The following GLB1L3 variants were observed in gnomAD, a reference collection of about 807,000 sequenced individuals.
GLB1L3 encodes the protein beta-galactosidase-1-like protein 3.
Under a neutral mutation model 89.5 loss-of-function variants are expected in GLB1L3, and 89 were observed. That is an observed-to-expected ratio of 0.99 (90% CI 0.84 to 1.19). The LOEUF (loss-of-function observed/expected upper bound fraction) is 1.19, where lower values mean the gene tolerates loss of function less well. GLB1L3 is among the 50% of genes most tolerant of loss of function. The probability of loss-of-function intolerance (pLI) is 0.00; values close to 1 mark genes in which losing one functional copy is unlikely to be tolerated. For missense variants in GLB1L3, 812 were observed against 813.3 expected, an observed-to-expected ratio of 1.00 and a Z score of 0.02; for synonymous variants, 314 against 312.3, an observed-to-expected ratio of 1.01 and a Z score of -0.06.
chr11:134,281,264 A>G (rs1424745982), intron 3 of GLB1L3, 113 bp from the exon 4 acceptor site: 2 of 1,225,288 alleles, frequency 1.6e-6, no homozygotes, highest in East Asian at 2.3e-5. Context: ...GGTAACTTCA[A>G]CTTATTTCAA....
chr11:134,278,001 C>A (rs1268716641), intron 3 of GLB1L3, 89 bp downstream of exon 3: 3 of 1,263,334 alleles, frequency 2.4e-6, no homozygotes, highest in Admixed American at 4.1e-5. Context: ...GGGGGCCCAG[C>A]GTGAGGACTT....
chr11:134,303,891 T>C (rs2136186444), intron 9 of GLB1L3, among the ~76,000 whole-genome samples: 1 of 152,292 alleles, frequency 6.6e-6, no homozygotes, highest in East Asian at 1.9e-4. Context: ...CTCTGAATTC[T>C]AATGTGGCAG....
intron 9 of GLB1L3, 21 bp downstream of exon 9, chr11:134,293,230 A>C: frequency 6.3e-7 from 1 of 1,588,382 alleles, no homozygotes; most frequent in Non-Finnish European, 8.6e-7. Flanking sequence ...TCAGACAGGC[A>C]GGGTTTTACA....
Position 134,313,483 on chromosome 11 carries a change from T to G in GLB1L3, c.1579+9T>G. 6.6e-7 allele frequency: 1 copy of G among 1,522,318 alleles called. No homozygotes were observed. Among genetic ancestry groups the G allele is most frequent in the Non-Finnish European group, 8.9e-7 (1 of 1,128,290 alleles). 94.3% of individuals were successfully genotyped at this position (1,522,318 alleles called of 1,614,324 possible). ...ACAGAATGAGCAGAAAGGTGGGCTC[T>G]GGCTGTGGCTTCTCCTCAGTTGCTC... On this transcript the variant is annotated intron_variant, in intron 16 of 19. Transcript: ENST00000431683.
chr11:134,320,512 T>A (rs909360925), downstream of GLB1L3, among the ~76,000 whole-genome samples: 2 of 152,136 alleles, frequency 1.3e-5, no homozygotes, highest in South Asian at 2.1e-4. Flanking sequence ...ATGCAACATA[T>A]CCATTTTACA....
rs540008316 is a variant in GLB1L3, at chr11:134,318,914, T to C, written c.1934T>C (p.Ile645Thr). Residue 645 changes from isoleucine to threonine, a missense_variant, in exon 20 of 20, where the codon ATC becomes ACC. By Grantham distance (89) the Ile-to-Thr change is moderately conservative (BLOSUM62 -1). Around this residue, in one of 3 missense-constraint regions of GLB1L3, gnomAD observed 618 missense variants for 604.0 expected, o/e 1.02. Coordinates refer to ENST00000431683, the MANE Select transcript of GLB1L3 (RefSeq NM_001080407.3). ...GAGAAGATGATGAGTGGCTCAGATA[T>C]CAAATCTACAGACAAGCCCACGCTG... is the stretch of plus-strand genomic sequence containing the variant. ...LFEKMMSGSD[I>T]KSTDKPTL 6.8e-6 allele frequency: 11 copies of C among 1,612,836 alleles called. No individual in the cohort carries two copies. In the South Asian group the frequency reaches 1.2e-4, roughly 18 times the overall value.
intron 3 of GLB1L3, among the ~76,000 whole-genome samples, chr11:134,279,364 C>CTTTTTTTTTTTTTTTTTTTTTTTTT (rs10577769): frequency 3.7e-5 from 4 of 108,338 alleles, no homozygotes; most frequent in Non-Finnish European, 5.6e-5. Context: ...TTTTCTTTTT[C>CTTTTTTTTTTTTTTTTTTTTTTTTT]TTTTTTTTTT....
chr11:134,299,632 A>G (rs1403588142), intron 9 of GLB1L3, among the ~76,000 whole-genome samples: 6 of 152,086 alleles, frequency 3.9e-5, no homozygotes, highest in African/African-American at 1.4e-4. Context: ...TCGCCTTTGC[A>G]TTGAGTCCCA....
chr11:134,308,479 A>ATGT (rs1306864676), intron 10 of GLB1L3, among the ~76,000 whole-genome samples: 4 of 6,270 alleles, frequency 6.4e-4, no homozygotes, highest in Non-Finnish European at 1.3e-3. Context: ...ACCAAATACC[A>ATGT]CCACCACCAT....
intron 12 of GLB1L3, 158 bp downstream of exon 12, chr11:134,310,809 C>A: frequency 1.6e-6 from 1 of 634,288 alleles, no homozygotes; most frequent in Non-Finnish European, 2.8e-6. Flanking sequence ...GGGTTAAAAT[C>A]TGTGTGATTT....
chr11:134,278,945 A>C (rs919366098), intron 3 of GLB1L3, among the ~76,000 whole-genome samples: 1 of 152,248 alleles, frequency 6.6e-6, no homozygotes. Flanking sequence ...GTACTGGTAT[A>C]AACTCTGCTT....
In GLB1L3 at chr11:134,282,121, G is replaced by T. The variant is rs1176138264; in HGVS notation, c.527+1G>T. 4 of 1,565,770 alleles carry T rather than the reference G, an allele frequency of 2.6e-6. No individual in the cohort carries two copies. The highest frequency in any genetic ancestry group is 3.5e-6 in the Non-Finnish European group (4 of 1,152,780). ...AGATGGACCTCGGGGGCTTGCCCAGGTAAGCGGGGCTACAGTCCCAGAGTC... is the reference window on the plus strand; with the variant it reads ...AGATGGACCTCGGGGGCTTGCCCAGTTAAGCGGGGCTACAGTCCCAGAGTC... On this transcript the variant is annotated splice_donor_variant, in intron 5 of 19. Transcript: ENST00000431683. LOFTEE classifies it high-confidence loss of function.
Position 134,283,071 on chromosome 11 carries a change from T to C in GLB1L3, c.528-666T>C, listed in dbSNP as rs930542705. The stretch of plus-strand genomic sequence containing the variant: ...AAATTTTTTCTGTCCCCAAGAATTT[T>C]TTTTTTTTAAGACGGAGTCTTGCTC... On this transcript the variant is annotated intron_variant, in intron 5 of 19. Coordinates refer to ENST00000431683, the MANE Select transcript of GLB1L3 (RefSeq NM_001080407.3). 3.9e-5 allele frequency among the ~76,000 whole-genome samples: 6 copies of C among 152,288 alleles called. No individual in the cohort carries two copies. The South Asian group carries it at 1.2e-3, about 32-fold the overall frequency.
Position 134,311,351 on chromosome 11 carries a change from G to T in GLB1L3, c.1287+181G>T, listed in dbSNP as rs1289226104. 8.3e-6 allele frequency: 5 copies of T among 605,262 alleles called. No homozygotes were observed. In the East Asian group the frequency reaches 1.1e-4, roughly 14 times the overall value. The allele number at this position is 605,262 out of a possible 1,614,324, so 37.5% of individuals were successfully genotyped here. On this transcript the variant is annotated intron_variant, in intron 13 of 19. Coordinates refer to ENST00000431683, the MANE Select transcript of GLB1L3 (RefSeq NM_001080407.3). ...TGGACTGTGAAGGGGTTTGACCTTG[G>T]AGTCAGTGTGCAGGGGAGGGGCAGC...
intron 10 of GLB1L3, among the ~76,000 whole-genome samples, chr11:134,308,423 C>G (rs1241842684): frequency 1.9e-5 from 2 of 105,006 alleles, no homozygotes; most frequent in Non-Finnish European, 3.8e-5. Flanking sequence ...CCACCATCAT[C>G]ACCATCACCA....
chr11:134,298,167 C>T (rs1941758910), intron 9 of GLB1L3, among the ~76,000 whole-genome samples: 2 of 151,408 alleles, frequency 1.3e-5, no homozygotes, highest in South Asian at 2.1e-4. Context: ...TGGTTTGTTT[C>T]TTAAAATTTA....
chr11:134,277,599 T>A (rs1460814800), intron 2 of GLB1L3, 101 bp from the exon 3 acceptor site: 1 of 1,515,266 alleles, frequency 6.6e-7, no homozygotes, highest in Non-Finnish European at 9.1e-7. Context: ...CACGTCCTAC[T>A]AACAAAAACT....
chr11:134,293,831 C>T (rs923885572), intron 9 of GLB1L3, among the ~76,000 whole-genome samples: 4 of 152,152 alleles, frequency 2.6e-5, no homozygotes, highest in Non-Finnish European at 4.4e-5. Context: ...TTAACACCCT[C>T]TCCTGGTTGT....
chr11:134,305,428 C>A lies in GLB1L3; in HGVS notation c.877-1696C>A, dbSNP rs188742193. On this transcript the variant is annotated intron_variant, in intron 9 of 19. Transcript: ENST00000431683. ...CCCTGATAGACCTTCAATGCTTTTG[C>A]GCTTCTTCCTCCTCATTTATATTTT... 1,566 of 338,238 alleles carry A rather than the reference C, an allele frequency of 4.6e-3. 12 individuals are homozygous for A. Among genetic ancestry groups the A allele is most frequent in the Non-Finnish European group, 6.6e-3 (1,247 of 188,060 alleles). 21.0% of individuals were successfully genotyped at this position (338,238 alleles called of 1,614,324 possible).
Sources: allele counts gnomAD v4.1 joint callset (sites outside exome capture counted in the v4.1 genomes callset), GRCh38; gene constraint gnomAD v4.1.1; regional missense constraint gnomAD v4.1.1; transcripts MANE v1.5; gene names NCBI Gene and HGNC (gene_info 2026-07-23, HGNC 2026-07-21).